The following CPSF6 variants were observed in gnomAD, a reference collection of about 807,000 sequenced individuals.
CPSF6 encodes cleavage and polyadenylation specific factor 6.
In CPSF6, 10 loss-of-function variants were observed where a neutral mutation model predicts 56.7. The observed-to-expected ratio is 0.18, with a 90% CI of 0.11 to 0.30. The LOEUF is 0.30. CPSF6 is among the 10% of genes least tolerant of loss of function. The pLI, the probability that CPSF6 is intolerant of heterozygous loss-of-function variation, is 1.00. For synonymous variants in CPSF6, 248 were observed against 244.8 expected (o/e 1.01, Z -0.12); for missense variants, 419 against 722.9 (o/e 0.58, Z 4.82).
At chr12:69,259,663 C>G in intron 7 of CPSF6, 120 bp downstream of exon 7, 2 of 852,338 alleles carry the variant, frequency 2.3e-6, no homozygotes, top group Non-Finnish European at 3.5e-6. Flanking sequence ...ATTCCCAAAT[C>G]ATTACCTACG....
rs1873153953 is a variant in CPSF6 at position 69,269,704 on chromosome 12, T to C, written c.*196T>C. 4.6e-6 allele frequency: 1 copy of C among 216,632 alleles called. No homozygotes were observed. Among genetic ancestry groups the C allele is most frequent in the Non-Finnish European group, 9.6e-6 (1 of 104,088 alleles). The allele number at this position is 216,632 out of a possible 1,614,324, so 13.4% of individuals were successfully genotyped here. A position where few individuals can be genotyped will look rare whatever the true frequency, so the allele number is the denominator to read the frequency against. ...GCTCTACTTTTATTTTTTATGTTGC[T>C]TAACTGTTTTATTTGAAGGAAACCT... On this transcript the variant is annotated 3_prime_UTR_variant, in exon 10 of 10. Coordinates refer to ENST00000435070, the MANE Select transcript of CPSF6 (RefSeq NM_007007.3).
Position 69,272,364 on chromosome 12 carries a change from C to G in CPSF6, c.*2856C>G, listed in dbSNP as rs559529294. On this transcript the variant is annotated 3_prime_UTR_variant, in exon 10 of 10. Coordinates refer to ENST00000435070, the MANE Select transcript of CPSF6 (RefSeq NM_007007.3). ...GCTTTATTTTTTACTAGTTTCAGGT[C>G]AGTTATTAAAATAAACATGGAGGTT... 7 of 151,608 alleles carry G rather than the reference C, an allele frequency of 4.6e-5. No individual in the cohort carries two copies. The highest frequency in any genetic ancestry group is 7.2e-5 in the African/African-American group (3 of 41,458). 9.4% of individuals were successfully genotyped at this position (151,608 alleles called of 1,614,324 possible).
chr12:69,239,662 G>C lies in CPSF6; in HGVS notation c.16G>C (p.Asp6His). MADGVDHIDIYADVGE... is the reference protein window; with the variant it reads MADGVHHIDIYADVGE... ...CTGAAGGAAGATGGCGGACGGCGTG[G>C]ACCACATAGACATTTACGCGGATGT... The change falls in exon 1 of 10, where the codon GAC becomes CAC. Residue 6 changes from aspartate to histidine, a missense_variant. Transcript: ENST00000435070. The C allele has an allele frequency of 6.3e-7, 1 of 1,585,982 alleles. No individual in the cohort carries two copies. Among genetic ancestry groups the C allele is most frequent in the Non-Finnish European group, 8.6e-7 (1 of 1,167,520 alleles).
intron 9 of CPSF6, among the ~76,000 whole-genome samples, chr12:69,265,966 T>C (rs1195731564): frequency 1.3e-5 from 2 of 151,824 alleles, no homozygotes; most frequent in South Asian, 2.1e-4. Context: ...GATTTTGTTA[T>C]TGCCCAAGAT....
At chr12:69,257,329 A>G (rs2120556497) in intron 4 of CPSF6, among the ~76,000 whole-genome samples, 1 of 152,346 alleles carries the variant, frequency 6.6e-6, no homozygotes, top group Middle Eastern at 3.4e-3. Context: ...GATGAGATGG[A>G]TGATTATGTA....
At chr12:69,241,442 CT>C (rs1284876159) in intron 1 of CPSF6, among the ~76,000 whole-genome samples, 5 of 152,156 alleles carry the variant, frequency 3.3e-5, no homozygotes, top group Admixed American at 3.3e-4. Flanking sequence ...TCAAGACTGC[CT>C]TTATTAGCTT....
intron 9 of CPSF6, among the ~76,000 whole-genome samples, chr12:69,267,019 A>G (rs1873022356): frequency 6.6e-6 from 1 of 152,172 alleles, no homozygotes; most frequent in South Asian, 2.1e-4. Context: ...ATATGTAGAT[A>G]ATTATTTCTC....
chr12:69,240,462 CGTT>C (rs1871555620), intron 1 of CPSF6, among the ~76,000 whole-genome samples: 1 of 152,120 alleles, frequency 6.6e-6, no homozygotes, highest in African/African-American at 2.4e-5. Context: ...GAAGCCCAGT[CGTT>C]GTTGGCCTTT....
intron 3 of CPSF6, among the ~76,000 whole-genome samples, chr12:69,253,393 T>A (rs1872346006): frequency 6.6e-6 from 1 of 152,154 alleles, no homozygotes; most frequent in Non-Finnish European, 1.5e-5. Flanking sequence ...TTTTCTATTT[T>A]TCCCAAGTTT....
At position 69,252,241 on chromosome 12, in the gene CPSF6, T is replaced by C. The variant is rs1278726683; in HGVS notation, c.271-810T>C. On this transcript the variant is annotated intron_variant, in intron 2 of 9. Coordinates refer to ENST00000435070, the MANE Select transcript of CPSF6 (RefSeq NM_007007.3). Reference sequence around the variant, plus strand: ...GGCATGTGTCACTCTGCCTGGCTAATTAAAAACAAAACAAACACTTTTGTA... The same window carrying C: ...GGCATGTGTCACTCTGCCTGGCTAACTAAAAACAAAACAAACACTTTTGTA... 2.3e-5 allele frequency: 6 copies of C among 259,462 alleles called. No individual in the cohort carries two copies. In the African/African-American group the frequency reaches 3.9e-4, roughly 17 times the overall value. The allele number at this position is 259,462 out of a possible 1,614,324, so 16.1% of individuals were successfully genotyped here.
At chr12:69,253,253 C>T (rs1207092668) in intron 3 of CPSF6, 99 bp downstream of exon 3, 11 of 596,888 alleles carry the variant, frequency 1.8e-5, no homozygotes, top group Non-Finnish European at 2.7e-5. Flanking sequence ...CATGTATACA[C>T]ATGTATACAA....
rs1423924197 is a variant in CPSF6 at position 69,258,555 on chromosome 12, T to C, written c.695-35T>C. On this transcript the variant is annotated intron_variant, in intron 5 of 9. Coordinates refer to ENST00000435070, the MANE Select transcript of CPSF6 (RefSeq NM_007007.3). The surrounding 1 kb of genome is among the most constrained non-coding windows in gnomAD (Gnocchi z 4.2). ...AAGTTAAAATATCTTATTAGTGAAG[T>C]GTTTTTTTTTCTCTCTTTCTCCTTT... 6 of 995,024 alleles carry C rather than the reference T, an allele frequency of 6.0e-6. No individual in the cohort carries two copies. The highest frequency in any genetic ancestry group is 8.5e-6 in the Non-Finnish European group (6 of 708,106). The allele number at this position is 995,024 out of a possible 1,614,324, so 61.6% of individuals were successfully genotyped here. A position where few individuals can be genotyped will look rare whatever the true frequency, so the allele number is the denominator to read the frequency against.
intron 1 of CPSF6, among the ~76,000 whole-genome samples, chr12:69,246,862 C>T (rs935278456): frequency 2.0e-5 from 3 of 152,098 alleles, no homozygotes; most frequent in East Asian, 1.9e-4. Flanking sequence ...TGGGATCTTC[C>T]TAAGTTGCCC....
rs1158125574 is a variant in CPSF6 at position 69,272,693 on chromosome 12, T to C, written c.*3185T>C. 1 of 151,924 alleles carries C rather than the reference T, an allele frequency of 6.6e-6. No homozygotes were observed. Among genetic ancestry groups the C allele is most frequent in the Non-Finnish European group, 1.5e-5 (1 of 67,796 alleles). The allele number at this position is 151,924 out of a possible 1,614,324, so 9.4% of individuals were successfully genotyped here. A position where few individuals can be genotyped will look rare whatever the true frequency, so the allele number is the denominator to read the frequency against. Reference sequence around the variant, plus strand: ...GTATTGAGATTCTCTGTTTTACAGATAACAACTGGTTTTTATTACTCATTA... The same window carrying C: ...GTATTGAGATTCTCTGTTTTACAGACAACAACTGGTTTTTATTACTCATTA... On this transcript the variant is annotated 3_prime_UTR_variant, in exon 10 of 10. Transcript: ENST00000435070.
At chr12:69,251,104 C>G (rs775742639) in intron 1 of CPSF6, 25 bp from the exon 2 acceptor site, 5 of 1,598,460 alleles carry the variant, frequency 3.1e-6, no homozygotes, top group Non-Finnish European at 4.3e-6. Context: ...TTTGTATAAT[C>G]TAGAGCATTA....
chr12:69,242,772 T>C (rs1373422100), intron 1 of CPSF6, among the ~76,000 whole-genome samples: 1 of 152,210 alleles, frequency 6.6e-6, no homozygotes, highest in Non-Finnish European at 1.5e-5. Flanking sequence ...TATTTAGTAA[T>C]TGTAGATTTT....
chr12:69,273,044 C>CA lies in CPSF6; in HGVS notation c.*3537dup, dbSNP rs1873325590. On this transcript the variant is annotated 3_prime_UTR_variant, in exon 10 of 10. Transcript: ENST00000435070. ...TATTAAGATGTGGCCTTACATATGG[C>CA]ATTCCTTGTGTTCGTAATGTGAGAT... The CA allele has an allele frequency of 7.5e-6, 2 of 266,974 alleles. No individual in the cohort carries two copies. Among genetic ancestry groups the CA allele is most frequent in the South Asian group, 8.0e-5 (2 of 24,944 alleles). The allele number at this position is 266,974 out of a possible 1,614,324, so 16.5% of individuals were successfully genotyped here.
chr12:69,257,900 T>C lies in CPSF6; in HGVS notation c.689T>C (p.Phe230Ser). The stretch of plus-strand genomic sequence containing the variant: ...GGACCAGGAGGGCCACCCCCACCTT[T>C]TCCAGGTAAAACTTTTCTTAAATTA... ...PAGPGGPPPP[F>S]PAGQTPPRPP... Residue 230 changes from phenylalanine (F) to serine (S), a missense_variant, in exon 5 of 10, where the codon TTT becomes TCT. This residue lies in a region of CPSF6 where 211 missense variants were observed against 296.0 expected (regional missense o/e 0.71). Transcript: ENST00000435070. The C allele has an allele frequency of 6.3e-7, 1 of 1,594,460 alleles. No individual in the cohort carries two copies. The highest frequency in any genetic ancestry group is 8.5e-7 in the Non-Finnish European group (1 of 1,173,016).
chr12:69,262,075 A>G (rs1010882459), intron 8 of CPSF6, among the ~76,000 whole-genome samples: 1 of 151,800 alleles, frequency 6.6e-6, no homozygotes, highest in African/African-American at 2.4e-5. Context: ...TTACCTTTCT[A>G]TTTGTGCATT....
Sources: allele counts gnomAD v4.1 joint callset (sites outside exome capture counted in the v4.1 genomes callset), GRCh38; gene constraint gnomAD v4.1.1; regional missense constraint gnomAD v4.1.1; non-coding constraint Gnocchi (gnomAD v3.1); transcripts MANE v1.5; gene names NCBI Gene and HGNC (gene_info 2026-07-23, HGNC 2026-07-21).